Variants in PHACTR4 observed in about 807,000 individuals in gnomAD.
The protein encoded by PHACTR4 is phosphatase and actin regulator 4.
In PHACTR4, 51 loss-of-function variants were observed where a neutral mutation model predicts 72.7. That is an observed-to-expected ratio of 0.70 (90% confidence interval 0.56 to 0.89). The LOEUF (loss-of-function observed/expected upper bound fraction) is 0.89, where lower values mean the gene tolerates loss of function less well. Among genes scored for constraint, PHACTR4 ranks in the 40% least tolerant of loss-of-function variants. The probability of loss-of-function intolerance (pLI) is 0.00; values close to 1 mark genes in which losing one functional copy is unlikely to be tolerated. For synonymous variants in PHACTR4, 255 were observed against 302.5 expected, an observed-to-expected ratio of 0.84 and a Z score of 1.63; for missense variants, 731 against 861.8, an observed-to-expected ratio of 0.85 and a Z score of 1.90.
chr1:28,419,491 TACAC>T (rs1252899080), intron 2 of PHACTR4, among the ~76,000 whole-genome samples: 1 of 151,778 alleles, frequency 6.6e-6, no homozygotes, highest in Admixed American at 6.6e-5. Flanking sequence ...TGTGTATATA[TACAC>T]ACACACACTT....
At chr1:28,435,687 C>T (rs1656588091) in intron 2 of PHACTR4, among the ~76,000 whole-genome samples, 1 of 152,210 alleles carries the variant, frequency 6.6e-6, no homozygotes, top group Non-Finnish European at 1.5e-5. Context: ...TTCAATCTGA[C>T]TCCAAAGCTC....
intron 4 of PHACTR4, 124 bp downstream of exon 4, chr1:28,460,416 T>TA: frequency 1.5e-5 from 10 of 664,978 alleles, no homozygotes; most frequent in South Asian, 4.4e-5. Context: ...AGGGTGGCCT[T>TA]TAAAAAAAAA....
chr1:28,455,407 G>A (rs1658318596), intron 2 of PHACTR4, among the ~76,000 whole-genome samples: 1 of 151,776 alleles, frequency 6.6e-6, no homozygotes, highest in African/African-American at 2.4e-5. Flanking sequence ...ATGTTGGCTA[G>A]GCTGGTCTCA....
chr1:28,424,170 T>A (rs1655684625), intron 2 of PHACTR4, among the ~76,000 whole-genome samples: 1 of 152,070 alleles, frequency 6.6e-6, no homozygotes, highest in African/African-American at 2.4e-5. Context: ...AGAGCTATTT[T>A]TAAAAATTAT....
chr1:28,471,687 C>T (rs568577162), intron 6 of PHACTR4, among the ~76,000 whole-genome samples: 1 of 152,010 alleles, frequency 6.6e-6, no homozygotes, highest in Admixed American at 6.6e-5. Context: ...TCATTGTGGG[C>T]TTTGGTGAAA....
intron 8 of PHACTR4, among the ~76,000 whole-genome samples, 162 bp downstream of exon 8, chr1:28,476,453 A>C (rs781182055): frequency 6.6e-6 from 1 of 151,810 alleles, no homozygotes; most frequent in Non-Finnish European, 1.5e-5. Context: ...CCTTGTCCCT[A>C]TTATCACCCC....
chr1:28,467,918 T>G (rs1659305043), intron 6 of PHACTR4, among the ~76,000 whole-genome samples: 1 of 152,170 alleles, frequency 6.6e-6, no homozygotes, highest in African/African-American at 2.4e-5. Flanking sequence ...AATGAGTGCT[T>G]CAAAGCTAAT....
At chr1:28,370,341 C>G (rs6657867) in intron 1 of PHACTR4, among the ~76,000 whole-genome samples, 1 of 151,986 alleles carries the variant, frequency 6.6e-6, no homozygotes, top group East Asian at 1.9e-4. Flanking sequence ...ATTTAACTTT[C>G]AAACATCAGC....
At chr1:28,401,378 C>T (rs1653934468) in intron 1 of PHACTR4, among the ~76,000 whole-genome samples, 1 of 146,886 alleles carries the variant, frequency 6.8e-6, no homozygotes, top group African/African-American at 2.5e-5. Context: ...ACGATCTTGG[C>T]TCACTGCAAC....
At chr1:28,375,590 A>C (rs771481226) in intron 1 of PHACTR4, among the ~76,000 whole-genome samples, 5 of 151,768 alleles carry the variant, frequency 3.3e-5, no homozygotes, top group Non-Finnish European at 5.9e-5. Flanking sequence ...GGAAGCTGAG[A>C]TAGGAGGATC....
chr1:28,496,455 C>T, intron 13 of PHACTR4, 79 bp from the exon 14 acceptor site: 1 of 1,501,460 alleles, frequency 6.7e-7, no homozygotes, highest in Non-Finnish European at 9.3e-7. Flanking sequence ...TTAGGTATAA[C>T]ATTTCATTAC....
intron 13 of PHACTR4, 103 bp from the exon 14 acceptor site, chr1:28,496,430 GA>G (rs1042825713): frequency 7.8e-7 from 1 of 1,286,964 alleles, no homozygotes. Flanking sequence ...TAGAGCAGAG[GA>G]AAGGCAGTGT....
chr1:28,458,159 T>TC (rs1658544981), intron 2 of PHACTR4, among the ~76,000 whole-genome samples: 3 of 131,478 alleles, frequency 2.3e-5, no homozygotes, highest in African/African-American at 8.4e-5. Flanking sequence ...TGTGTGTGTT[T>TC]GAGACAGGCT....
intron 1 of PHACTR4, among the ~76,000 whole-genome samples, chr1:28,394,420 G>C (rs1378843821): frequency 6.6e-6 from 1 of 151,804 alleles, no homozygotes; most frequent in Non-Finnish European, 1.5e-5. Context: ...TGAATAGCTG[G>C]GACAACAGAT....
chr1:28,455,198 C>CTTTTTTTTTTTTTTT (rs139479738), intron 2 of PHACTR4, among the ~76,000 whole-genome samples: 5 of 85,968 alleles, frequency 5.8e-5, no homozygotes, highest in East Asian at 2.6e-4. Flanking sequence ...TTCTTTCTTT[C>CTTTTTTTTTTTTTTT]TTTTTTTTTT....
intron 2 of PHACTR4, among the ~76,000 whole-genome samples, chr1:28,411,719 A>G (rs1654800846): frequency 6.6e-6 from 1 of 152,156 alleles, no homozygotes; most frequent in South Asian, 2.1e-4. Flanking sequence ...GGCTTGGATG[A>G]TGGTTGCACC....
chr1:28,404,712 T>G (rs1243636977), intron 1 of PHACTR4, among the ~76,000 whole-genome samples: 2 of 152,168 alleles, frequency 1.3e-5, no homozygotes, highest in Non-Finnish European at 1.5e-5. Context: ...TCACCAGCAG[T>G]TTATTGAGGC....
intron 1 of PHACTR4, among the ~76,000 whole-genome samples, chr1:28,375,757 T>G (rs1265402777): frequency 6.6e-6 from 1 of 151,922 alleles, no homozygotes; most frequent in Non-Finnish European, 1.5e-5. Flanking sequence ...CTGAGGGAGC[T>G]CTAAAGTCCT....
intron 1 of PHACTR4, among the ~76,000 whole-genome samples, chr1:28,387,333 A>AG (rs1267423598): frequency 3.3e-5 from 5 of 151,962 alleles, no homozygotes; most frequent in African/African-American, 1.2e-4. Flanking sequence ...AAATAGAAAG[A>AG]GGGAGGATTC....
Sources: gnomAD v4.1 joint callset for allele counts (sites outside exome capture counted in the v4.1 genomes callset) on GRCh38, gnomAD v4.1.1 for gene constraint, MANE v1.5 for transcripts, NCBI Gene and HGNC (gene_info 2026-07-23, HGNC 2026-07-21) for gene names.